DRC8: variants seen among roughly 807,000 people sequenced by gnomAD.
DRC8 encodes dynein regulatory complex protein 8.
the DRC8 span, among the ~76,000 whole-genome samples, chr1:245,034,652 G>C: frequency 7.9e-6 from 1 of 126,266 alleles, no homozygotes; most frequent in African/African-American, 3.0e-5. Flanking sequence ...AATGATGTTA[G>C]AATCTATGAG....
chr1:245,061,247 C>T, the DRC8 span, among the ~76,000 whole-genome samples: 273 of 152,144 alleles, frequency 1.8e-3, no homozygotes, highest in African/African-American at 6.1e-3. Flanking sequence ...ATTTAATAAC[C>T]GAGGAATCAA....
chr1:245,099,203 C>G, the DRC8 span, among the ~76,000 whole-genome samples: 1 of 152,162 alleles, frequency 6.6e-6, no homozygotes, highest in Non-Finnish European at 1.5e-5. Flanking sequence ...CCTGAGCAGC[C>G]CTGTCCCCTC....
chr1:245,099,310 T>C, the DRC8 span, among the ~76,000 whole-genome samples: 1 of 152,192 alleles, frequency 6.6e-6, no homozygotes, highest in East Asian at 1.9e-4. Flanking sequence ...CAACAGATTG[T>C]TGAAGGGACT....
the DRC8 span, among the ~76,000 whole-genome samples, chr1:244,980,062 A>AAAAAAAAAAAG: frequency 7.2e-6 from 1 of 139,204 alleles, no homozygotes; most frequent in Non-Finnish European, 1.6e-5. Flanking sequence ...AAAAAAAAAA[A>AAAAAAAAAAAG]AAAAAAATTA....
chr1:245,094,225 C>T, the DRC8 span, among the ~76,000 whole-genome samples: 1 of 152,144 alleles, frequency 6.6e-6, no homozygotes, highest in African/African-American at 2.4e-5. Flanking sequence ...TTTGTTCTTA[C>T]ACAACATGAT....
the DRC8 span, among the ~76,000 whole-genome samples, chr1:245,073,286 C>T: frequency 6.6e-6 from 1 of 152,140 alleles, no homozygotes; most frequent in African/African-American, 2.4e-5. Flanking sequence ...CAGGCATGCA[C>T]CACCACACCC....
chr1:245,017,391 G>C, the DRC8 span: 1 of 1,473,088 alleles, frequency 6.8e-7, no homozygotes, highest in Non-Finnish European at 9.1e-7. Flanking sequence ...AGATACAAGA[G>C]AGCTATTTTC....
the DRC8 span, among the ~76,000 whole-genome samples, chr1:245,074,746 A>AG: frequency 6.6e-6 from 1 of 152,166 alleles, no homozygotes; most frequent in South Asian, 2.1e-4. Flanking sequence ...TGGCTTTAAA[A>AG]TTTTTGTTTT....
the DRC8 span, chr1:244,969,792 A>C: frequency 1.0e-5 from 3 of 289,060 alleles, no homozygotes; most frequent in East Asian, 7.9e-5. Flanking sequence ...TTCTCTGGGA[A>C]AGGACGGTGA....
At chr1:244,996,521 A>G in the DRC8 span, among the ~76,000 whole-genome samples, 10 of 152,162 alleles carry the variant, frequency 6.6e-5, no homozygotes, top group African/African-American at 2.4e-4. Flanking sequence ...TTCGTAGCCT[A>G]CTGGGCACGA....
At chr1:244,987,747 T>C in the DRC8 span, among the ~76,000 whole-genome samples, 27 of 152,040 alleles carry the variant, frequency 1.8e-4, no homozygotes. Context: ...CTTGAGGGCA[T>C]TTCTTTACCT....
the DRC8 span, among the ~76,000 whole-genome samples, chr1:244,976,903 G>C: frequency 6.6e-6 from 1 of 152,182 alleles, no homozygotes; most frequent in South Asian, 2.1e-4. Flanking sequence ...GTCCATCAGC[G>C]GATGAATGAA....
the DRC8 span, among the ~76,000 whole-genome samples, chr1:245,041,168 C>G: frequency 1.3e-5 from 2 of 152,016 alleles, no homozygotes; most frequent in African/African-American, 4.8e-5. Context: ...CAGGGGAGAG[C>G]AAATATAAAG....
the DRC8 span, among the ~76,000 whole-genome samples, chr1:245,006,467 AT>A: frequency 2.0e-5 from 3 of 151,228 alleles, no homozygotes; most frequent in Non-Finnish European, 4.4e-5. Flanking sequence ...CACCCAGCTA[AT>A]TTTTTTTTGT....
the DRC8 span, among the ~76,000 whole-genome samples, chr1:245,029,376 C>A: frequency 6.6e-6 from 1 of 152,206 alleles, no homozygotes; most frequent in Non-Finnish European, 1.5e-5. Flanking sequence ...CAGCTCACTG[C>A]AACCTCCACC....
At chr1:245,031,702 C>T in the DRC8 span, among the ~76,000 whole-genome samples, 18 of 152,192 alleles carry the variant, frequency 1.2e-4, no homozygotes, top group Admixed American at 9.2e-4. Flanking sequence ...TGATTTTGCT[C>T]CACAGGGACC....
the DRC8 span, among the ~76,000 whole-genome samples, chr1:245,108,094 A>C: frequency 6.6e-6 from 1 of 151,952 alleles, no homozygotes; most frequent in African/African-American, 2.4e-5. Flanking sequence ...CTTTTCAAAG[A>C]ACACCTTCCT....
At chr1:245,039,241 T>C in the DRC8 span, among the ~76,000 whole-genome samples, 10,782 of 136,946 alleles carry the variant, frequency 0.079, 1,184 homozygotes, top group African/African-American at 0.24. Flanking sequence ...AATTTTAGAG[T>C]TATATAAATG....
At chr1:244,972,688 C>G in the DRC8 span, among the ~76,000 whole-genome samples, 1 of 151,848 alleles carries the variant, frequency 6.6e-6, no homozygotes, top group East Asian at 1.9e-4. Flanking sequence ...CGTGGTGGCA[C>G]GCCCTGTAGT....
Sources: gnomAD v4.1 joint callset for allele counts (sites outside exome capture counted in the v4.1 genomes callset) on GRCh38, gnomAD v4.1.1 for gene constraint, MANE v1.5 for transcripts, NCBI Gene and HGNC (gene_info 2026-07-23, HGNC 2026-07-21) for gene names.